The following NPAT variants were observed in gnomAD, a reference collection of about 807,000 sequenced individuals.
NPAT encodes the protein protein NPAT.
In NPAT, 52 loss-of-function variants were observed where a neutral mutation model predicts 130.7. That is an observed-to-expected ratio of 0.40 (90% CI 0.32 to 0.50). The LOEUF (loss-of-function observed/expected upper bound fraction) is 0.50. NPAT is among the 20% of genes least tolerant of loss of function. The pLI is 0.68. For missense variants in NPAT, 1,687 were observed against 1,662.6 expected (o/e 1.01, Z -0.26); for synonymous variants, 580 against 584.8 (o/e 0.99, Z 0.12).
At chr11:108,194,051 GTATAA>G (rs762249586) in intron 2 of NPAT, 34 bp from the exon 3 acceptor site, 3 of 1,062,772 alleles carry the variant, frequency 2.8e-6, no homozygotes, top group Non-Finnish European at 4.4e-6. Context: ...TACCAAAATT[GTATAA>G]TACTACCAAT....
intron 1 of NPAT, among the ~76,000 whole-genome samples, chr11:108,215,810 T>C (rs1023034787): frequency 7.9e-5 from 12 of 152,308 alleles, no homozygotes; most frequent in African/African-American, 2.4e-4. Context: ...CAAACAAATA[T>C]ACAAATCAAA....
At chr11:108,162,789 C>CA (rs1324177953) in intron 15 of NPAT, among the ~76,000 whole-genome samples, 2 of 152,150 alleles carry the variant, frequency 1.3e-5, no homozygotes, top group African/African-American at 4.8e-5. Flanking sequence ...CAATATAGCA[C>CA]ATAATGTACT....
intron 6 of NPAT, 100 bp downstream of exon 6, chr11:108,189,006 G>A (rs548150227): frequency 1.1e-6 from 1 of 900,012 alleles, no homozygotes; most frequent in East Asian, 2.6e-5. Flanking sequence ...TTATGGGGGG[G>A]GCCATAATTT....
At position 108,160,970 on chromosome 11, in the gene NPAT, A is replaced by C. The variant is rs776379859; in HGVS notation, c.4116T>G (p.Ile1372Met). Residue 1372 changes from isoleucine to methionine, a missense_variant, in exon 17 of 18, where the codon ATT (isoleucine) becomes ATG (methionine). Ile to Met is a conservative substitution (Grantham distance 10). Coordinates refer to ENST00000278612, the MANE Select transcript of NPAT (RefSeq NM_002519.3). Reference sequence around the variant, plus strand: ...TTCGCTCACGTTCATCTAATTCCTCAATTTTCCGCTTTTTTGTGGTGCTCC... The same window carrying C: ...TTCGCTCACGTTCATCTAATTCCTCCATTTTCCGCTTTTTTGTGGTGCTCC... ...SSRSTTKKRK[I>M]EELDERERNS... The C allele has an allele frequency of 6.2e-7, 1 of 1,614,160 alleles. No individual in the cohort carries two copies. Among genetic ancestry groups the C allele is most frequent in the East Asian group, 2.2e-5 (1 of 44,892 alleles).
In NPAT at chr11:108,215,098, T is replaced by C. The variant is rs77744260; in HGVS notation, c.37+7402A>G. Among the ~76,000 whole-genome samples, 411 of 152,352 alleles carry C rather than the reference T, an allele frequency of 2.7e-3. 8 individuals are homozygous for C. In the East Asian group the frequency reaches 0.059, roughly 22 times the overall value. On this transcript the variant is annotated intron_variant, in intron 1 of 17. Transcript: ENST00000278612. Reference sequence around the variant, plus strand: ...CAAGGCCATTGTTTATTCTATTTCCTTTGCTTGGGCAGCTAATCTTTTCTT... The same window carrying C: ...CAAGGCCATTGTTTATTCTATTTCCCTTGCTTGGGCAGCTAATCTTTTCTT...
chr11:108,219,310 C>G (rs556232426), intron 1 of NPAT, among the ~76,000 whole-genome samples: 4 of 152,316 alleles, frequency 2.6e-5, no homozygotes, highest in African/African-American at 9.6e-5. Flanking sequence ...AAACCAGCCT[C>G]TTGATTGCTT....
At chr11:108,177,439 T>A (rs1228577808) in intron 10 of NPAT, among the ~76,000 whole-genome samples, 1 of 152,132 alleles carries the variant, frequency 6.6e-6, no homozygotes, top group African/African-American at 2.4e-5. Context: ...GGATTATAGA[T>A]GTGGGCCACT....
intron 3 of NPAT, among the ~76,000 whole-genome samples, chr11:108,193,112 T>C (rs2078187176): frequency 6.6e-6 from 1 of 152,230 alleles, no homozygotes; most frequent in Admixed American, 6.5e-5. Context: ...TTTGTTAATG[T>C]TGTAAGCTAT....
At chr11:108,199,149 T>C (rs2078251391) in intron 1 of NPAT, among the ~76,000 whole-genome samples, 1 of 152,176 alleles carries the variant, frequency 6.6e-6, no homozygotes, top group South Asian at 2.1e-4. Context: ...GACAGAGTTG[T>C]AACGGTCCTT....
intron 15 of NPAT, 130 bp from the exon 16 acceptor site, chr11:108,162,310 C>T (rs766044501): frequency 2.0e-4 from 152 of 748,528 alleles, no homozygotes; most frequent in Non-Finnish European, 2.9e-4. Context: ...AAATAGAACA[C>T]GTTGACAAAG....
chr11:108,205,535 C>A (rs191477266), intron 1 of NPAT, among the ~76,000 whole-genome samples: 58 of 152,288 alleles, frequency 3.8e-4, no homozygotes, highest in Middle Eastern at 3.4e-3. Flanking sequence ...CCACAAAGTG[C>A]TGGGATTACA....
chr11:108,168,973 A>C (rs1294748302), intron 15 of NPAT, among the ~76,000 whole-genome samples: 1 of 152,202 alleles, frequency 6.6e-6, no homozygotes, highest in Non-Finnish European at 1.5e-5. Flanking sequence ...GGAGTTGCTG[A>C]AAGTTTTTAG....
In NPAT at chr11:108,157,579, A is replaced by G. The variant is rs1466117593; in HGVS notation, c.*1363T>C. ...AGAAGACATGATTTCTACACTGAGA[A>G]ATGTTGTGTTAAAGTTGGATGGATT... On this transcript the variant is annotated 3_prime_UTR_variant, in exon 18 of 18. Transcript: ENST00000278612. 6.6e-6 allele frequency: 1 copy of G among 152,106 alleles called. No homozygotes were observed. Among genetic ancestry groups the G allele is most frequent in the Non-Finnish European group, 1.5e-5 (1 of 67,946 alleles). The allele number at this position is 152,106 out of a possible 1,614,324, so 9.4% of individuals were successfully genotyped here. A position where few individuals can be genotyped will look rare whatever the true frequency, so the allele number is the denominator to read the frequency against.
intron 10 of NPAT, among the ~76,000 whole-genome samples, chr11:108,181,196 G>A (rs543649026): frequency 6.6e-6 from 1 of 152,298 alleles, no homozygotes; most frequent in African/African-American, 2.4e-5. Flanking sequence ...GGGTGTGGTG[G>A]CTCACACCTG....
chr11:108,222,422 G>A, intron 1 of NPAT, 78 bp downstream of exon 1: 3 of 1,493,356 alleles, frequency 2.0e-6, no homozygotes, highest in East Asian at 2.3e-5. Flanking sequence ...CCCTACCAAG[G>A]GAAAACCTTT....
intron 5 of NPAT, 38 bp downstream of exon 5, chr11:108,190,422 G>T: frequency 6.5e-7 from 1 of 1,535,280 alleles, no homozygotes; most frequent in Non-Finnish European, 9.0e-7. Context: ...GTTTAAGTTT[G>T]AAGTAATTGT....
At chr11:108,160,799 T>C (rs1190497680) in intron 17 of NPAT, 81 bp downstream of exon 17, 1 of 1,268,234 alleles carries the variant, frequency 7.9e-7, no homozygotes, top group Non-Finnish European at 1.1e-6. Flanking sequence ...GTCAAGTTGT[T>C]GTGGCAAGAA....
chr11:108,221,387 C>A (rs1296192826), intron 1 of NPAT, among the ~76,000 whole-genome samples: 2 of 152,096 alleles, frequency 1.3e-5, no homozygotes, highest in Admixed American at 6.5e-5. Flanking sequence ...ACCAAACTGC[C>A]AAAACTCAGA....
chr11:108,176,239 T>C lies in NPAT; in HGVS notation c.1132+7A>G, dbSNP rs2078004851. ...GATTGATGATATTAACAAAATTAAA[T>C]TCTTACCAGATTCTTCTGTTTCAAA... On this transcript the variant is annotated splice_region_variant and intron_variant, in intron 12 of 17. Coordinates refer to ENST00000278612, the MANE Select transcript of NPAT (RefSeq NM_002519.3). 6.4e-7 allele frequency: 1 copy of C among 1,563,850 alleles called. No homozygotes were observed. Among genetic ancestry groups the C allele is most frequent in the East Asian group, 2.2e-5 (1 of 44,476 alleles).
Sources: gnomAD v4.1 joint callset for allele counts (sites outside exome capture counted in the v4.1 genomes callset) on GRCh38, gnomAD v4.1.1 for gene constraint, MANE v1.5 for transcripts, NCBI Gene and HGNC (gene_info 2026-07-23, HGNC 2026-07-21) for gene names.